Variants in HAO1 observed in about 807,000 individuals in gnomAD.
HAO1 encodes hydroxyacid oxidase 1, also known as 2-Hydroxyacid oxidase 1.
HAO1 carries 34 observed loss-of-function variants against 39.7 expected under a neutral mutation model. The ratio of observed to expected loss-of-function variants is 0.86; its 90% CI spans 0.65 to 1.14. The LOEUF is 1.14. Among genes scored for constraint, HAO1 ranks in the 50% most tolerant of loss-of-function variants. HAO1 has a pLI of 0.00. For missense variants in HAO1, 479 were observed against 464.5 expected (o/e 1.03, Z -0.29); for synonymous variants, 172 against 173.2 (o/e 0.99, Z 0.05).
chr20:7,916,789 G>A (rs2050308926), intron 2 of HAO1, among the ~76,000 whole-genome samples: 2 of 152,196 alleles, frequency 1.3e-5, no homozygotes, highest in East Asian at 3.8e-4. Flanking sequence ...CTGAGTTGGA[G>A]GTCATCATGT....
At chr20:7,939,668 A>G (rs139544145) in intron 1 of HAO1, among the ~76,000 whole-genome samples, 2 of 152,354 alleles carry the variant, frequency 1.3e-5, no homozygotes, top group East Asian at 3.9e-4. Flanking sequence ...CAAACAGAAA[A>G]CATAAACCAT....
chr20:7,908,977 G>A (rs2050262718), intron 3 of HAO1, among the ~76,000 whole-genome samples: 1 of 151,960 alleles, frequency 6.6e-6, no homozygotes, highest in Non-Finnish European at 1.5e-5. Context: ...CTATCCCATA[G>A]CAAGACCGGG....
chr20:7,885,684 A>C, intron 6 of HAO1, 22 bp downstream of exon 6: 1 of 1,599,086 alleles, frequency 6.3e-7, no homozygotes, highest in Non-Finnish European at 8.6e-7. Flanking sequence ...TATTTTATAT[A>C]TTCATTTCTT....
At chr20:7,931,912 G>T (rs1849657842) in intron 2 of HAO1, among the ~76,000 whole-genome samples, 1 of 152,160 alleles carries the variant, frequency 6.6e-6, no homozygotes, top group African/African-American at 2.4e-5. Flanking sequence ...AACAGGGACA[G>T]AAACACCTGT....
intron 7 of HAO1, among the ~76,000 whole-genome samples, chr20:7,885,268 T>C (rs1490208760): frequency 6.6e-6 from 1 of 152,134 alleles, no homozygotes; most frequent in Non-Finnish European, 1.5e-5. Context: ...AGGAAGAATA[T>C]GATGTTACAA....
intron 4 of HAO1, among the ~76,000 whole-genome samples, chr20:7,903,512 A>G (rs1015733417): frequency 2.7e-5 from 4 of 147,656 alleles, no homozygotes; most frequent in East Asian, 2.0e-4. Context: ...TGGAGGTGGT[A>G]GTGGTGATAC....
chr20:7,911,847 G>A (rs1332522010), intron 3 of HAO1, among the ~76,000 whole-genome samples: 1 of 152,238 alleles, frequency 6.6e-6, no homozygotes, highest in African/African-American at 2.4e-5. Context: ...GTTGCAGAAA[G>A]AAACCGATTT....
chr20:7,913,419 A>C (rs889983319), intron 3 of HAO1, among the ~76,000 whole-genome samples: 4 of 152,154 alleles, frequency 2.6e-5, no homozygotes, highest in Non-Finnish European at 4.4e-5. Context: ...AAACTGAAGG[A>C]AGGAAAATCT....
intron 5 of HAO1, among the ~76,000 whole-genome samples, chr20:7,891,733 C>T (rs1263533986): frequency 6.6e-6 from 1 of 152,162 alleles, no homozygotes; most frequent in African/African-American, 2.4e-5. Flanking sequence ...CTCAAAAGCC[C>T]TTCTAGACGT....
chr20:7,924,321 A>G (rs975745051), intron 2 of HAO1, among the ~76,000 whole-genome samples: 5 of 152,114 alleles, frequency 3.3e-5, no homozygotes, highest in Admixed American at 6.6e-5. Flanking sequence ...AAAATGGTAT[A>G]AGATGAAGAA....
At chr20:7,926,938 A>C (rs13040468) in intron 2 of HAO1, among the ~76,000 whole-genome samples, 12,567 of 151,868 alleles carry the variant, frequency 0.083, 868 homozygotes, top group East Asian at 0.31. Flanking sequence ...GGTAGGTTTT[A>C]ATTTTTCTTG....
chr20:7,940,211 A>C, intron 1 of HAO1, 75 bp downstream of exon 1: 2 of 1,257,912 alleles, frequency 1.6e-6, no homozygotes, highest in Non-Finnish European at 2.2e-6. Flanking sequence ...CCACCAACGT[A>C]AAACTAGGAG....
intron 2 of HAO1, among the ~76,000 whole-genome samples, chr20:7,927,346 T>G (rs897788646): frequency 6.6e-5 from 10 of 152,136 alleles, no homozygotes; most frequent in African/African-American, 2.4e-4. Context: ...AATAATTTTG[T>G]ATCCTTCTTT....
At chr20:7,896,265 A>T (rs1473768247) in intron 4 of HAO1, among the ~76,000 whole-genome samples, 1 of 152,164 alleles carries the variant, frequency 6.6e-6, no homozygotes, top group Non-Finnish European at 1.5e-5. Context: ...AGAATCATGA[A>T]AACAACACTG....
At chr20:7,910,754 C>T (rs947137726) in intron 3 of HAO1, among the ~76,000 whole-genome samples, 4 of 152,208 alleles carry the variant, frequency 2.6e-5, no homozygotes, top group Admixed American at 1.3e-4. Flanking sequence ...AACAGGTTCC[C>T]GGGATTCACT....
At chr20:7,935,572 GTTTAA>G (rs1285802582) in intron 1 of HAO1, among the ~76,000 whole-genome samples, 6 of 152,102 alleles carry the variant, frequency 3.9e-5, no homozygotes, top group Middle Eastern at 3.2e-3. Context: ...TTTTTTATTA[GTTTAA>G]TTTAACACTT....
chr20:7,899,322 T>C (rs188875176), intron 4 of HAO1, among the ~76,000 whole-genome samples: 7 of 152,268 alleles, frequency 4.6e-5, no homozygotes. Context: ...GCCTGATACA[T>C]GTTGAACACT....
chr20:7,926,382 T>C (rs566703319), intron 2 of HAO1, among the ~76,000 whole-genome samples: 1 of 152,320 alleles, frequency 6.6e-6, no homozygotes, highest in Admixed American at 6.5e-5. Flanking sequence ...TCCAGTGCTT[T>C]GCCTGGATTA....
At chr20:7,938,250 T>A (rs1363605415) in intron 1 of HAO1, among the ~76,000 whole-genome samples, 1 of 152,094 alleles carries the variant, frequency 6.6e-6, no homozygotes, top group East Asian at 1.9e-4. Flanking sequence ...CATGATGCAG[T>A]GTGAGGAATC....
Sources: gnomAD v4.1 joint callset for allele counts (sites outside exome capture counted in the v4.1 genomes callset) on GRCh38, gnomAD v4.1.1 for gene constraint, MANE v1.5 for transcripts, NCBI Gene and HGNC (gene_info 2026-07-23, HGNC 2026-07-21) for gene names.